UBAP2: variants seen among roughly 807,000 people sequenced by gnomAD.
The protein encoded by UBAP2 is ubiquitin associated protein 2.
Under a neutral mutation model 139.6 loss-of-function variants are expected in UBAP2, and 75 were observed. The observed-to-expected ratio is 0.54, with a 90% confidence interval of 0.45 to 0.65. UBAP2 has a LOEUF of 0.65. Ranked by LOEUF, UBAP2 falls within the 30% of genes least tolerant of loss-of-function variation. UBAP2 has a pLI of 0.00. For missense variants in UBAP2, 1,368 were observed against 1,369.6 expected, an observed-to-expected ratio of 1.00 and a Z score of 0.02; for synonymous variants, 526 against 526.2, an observed-to-expected ratio of 1.00 and a Z score of 0.01.
chr9:33,932,513 C>G, intron 19 of UBAP2, 49 bp downstream of exon 19: 1 of 1,609,000 alleles, frequency 6.2e-7, no homozygotes, highest in Non-Finnish European at 8.5e-7. Flanking sequence ...GACTAAGCTC[C>G]AGGCTCCCCA....
chr9:34,040,587 AAAG>A (rs1826983811), intron 1 of UBAP2, among the ~76,000 whole-genome samples: 1 of 152,154 alleles, frequency 6.6e-6, no homozygotes, highest in African/African-American at 2.4e-5. Flanking sequence ...AATTAATTAA[AAAG>A]AAGTTAGCAA....
Position 33,935,860 on chromosome 9 carries a change from G to C in UBAP2, c.1948C>G (p.Arg650Gly). The C allele has an allele frequency of 6.2e-7, 1 of 1,613,470 alleles. No homozygotes were observed. The highest frequency in any genetic ancestry group is 8.5e-7 in the Non-Finnish European group (1 of 1,179,912). Residue 650 changes from arginine (R) to glycine (G), a missense_variant, in exon 17 of 29, where the codon CGA (arginine) becomes GGA (glycine). Physicochemically the swap from Arg to Gly is moderately radical, Grantham distance 125. Transcript: ENST00000379238. The part of the protein sequence containing the change: ...GTIMNGHGGG[R>G]SQQTLDTPKT... Reference sequence around the variant, plus strand: ...TTACTGTCTAGTGTCTGCTGACTTCGACCACCACCATGTCCATTCTATAAG... The same window carrying C: ...TTACTGTCTAGTGTCTGCTGACTTCCACCACCACCATGTCCATTCTATAAG...
chr9:34,040,175 T>C (rs1421919371), intron 1 of UBAP2, among the ~76,000 whole-genome samples: 2 of 130,782 alleles, frequency 1.5e-5, no homozygotes, highest in Admixed American at 1.5e-4. Flanking sequence ...AAAAAAAAAA[T>C]TAGCCAGGTG....
intron 1 of UBAP2, among the ~76,000 whole-genome samples, chr9:34,040,078 G>C (rs1826922495): frequency 6.6e-6 from 1 of 151,262 alleles, no homozygotes; most frequent in Non-Finnish European, 1.5e-5. Context: ...AGAATCACTT[G>C]AACCCAGGAG....
At chr9:34,013,307 T>C (rs919599682) in intron 2 of UBAP2, among the ~76,000 whole-genome samples, 5 of 152,052 alleles carry the variant, frequency 3.3e-5, no homozygotes, top group Non-Finnish European at 7.4e-5. Flanking sequence ...CCCAGCACTT[T>C]GGGAGGCGGA....
chr9:34,011,937 G>GA (rs1239593401), intron 2 of UBAP2, among the ~76,000 whole-genome samples: 1 of 151,516 alleles, frequency 6.6e-6, no homozygotes, highest in African/African-American at 2.4e-5. Flanking sequence ...CTGTCACCCA[G>GA]AAAAAAATTG....
intron 1 of UBAP2, among the ~76,000 whole-genome samples, chr9:34,044,140 G>A (rs1332929714): frequency 6.7e-6 from 1 of 149,218 alleles, no homozygotes; most frequent in Admixed American, 6.8e-5. Flanking sequence ...ACTCACGCCT[G>A]TAATCCCAGC....
intron 19 of UBAP2, among the ~76,000 whole-genome samples, chr9:33,932,219 T>C (rs557181273): frequency 8.7e-4 from 132 of 152,260 alleles, no homozygotes; most frequent in South Asian, 1.4e-3. Context: ...TTCTCCAACA[T>C]TGACCTTCTT....
rs1038788347 is a variant in UBAP2 at position 33,924,367 on chromosome 9, C to T, written c.2512-83G>A. 6 of 1,332,404 alleles carry T rather than the reference C, an allele frequency of 4.5e-6. No homozygotes were observed. The East Asian group carries it at 7.0e-5, about 16-fold the overall frequency. The allele number at this position is 1,332,404 out of a possible 1,614,324, so 82.5% of individuals were successfully genotyped here. On this transcript the variant is annotated intron_variant, in intron 22 of 28. Coordinates refer to ENST00000379238, the MANE Select transcript of UBAP2 (RefSeq NM_001370062.2). Reference sequence around the variant, plus strand: ...CAGAACCAGCACATGGAAGTGGTGACGCCACACTCCTGAAACAGACTCCAT... The same window carrying T: ...CAGAACCAGCACATGGAAGTGGTGATGCCACACTCCTGAAACAGACTCCAT...
At chr9:34,030,621 C>A (rs1049922664) in intron 1 of UBAP2, among the ~76,000 whole-genome samples, 1 of 149,756 alleles carries the variant, frequency 6.7e-6, no homozygotes, top group Non-Finnish European at 1.5e-5. Flanking sequence ...ATGAGTGAGA[C>A]CCTGTTTCAA....
intron 2 of UBAP2, among the ~76,000 whole-genome samples, chr9:34,001,883 AAC>A (rs1822734567): frequency 6.6e-6 from 1 of 152,120 alleles, no homozygotes; most frequent in Admixed American, 6.6e-5. Flanking sequence ...TTACAAGTCA[AAC>A]ACAAGAAAAA....
chr9:33,987,603 T>A (rs537600510), intron 5 of UBAP2, among the ~76,000 whole-genome samples: 2 of 152,202 alleles, frequency 1.3e-5, no homozygotes, highest in Admixed American at 1.3e-4. Context: ...AGTGAGACCT[T>A]GTCTCAAAAA....
chr9:33,924,594 A>G (rs898834639), intron 22 of UBAP2, among the ~76,000 whole-genome samples: 1 of 152,176 alleles, frequency 6.6e-6, no homozygotes, highest in African/African-American at 2.4e-5. Flanking sequence ...GGCTGAACCA[A>G]CTTCGCTGGC....
chr9:34,002,342 C>T (rs1328099679), intron 2 of UBAP2, among the ~76,000 whole-genome samples: 2 of 150,432 alleles, frequency 1.3e-5, no homozygotes, highest in Non-Finnish European at 1.5e-5. Flanking sequence ...ATCTATATCA[C>T]GTTTAATGCT....
intron 22 of UBAP2, among the ~76,000 whole-genome samples, chr9:33,925,365 G>A (rs1038444460): frequency 1.1e-4 from 16 of 152,160 alleles, no homozygotes; most frequent in South Asian, 4.1e-4. Context: ...CACAGAACAC[G>A]AGAATTCTCC....
rs1430929375 is a variant in UBAP2 at position 33,989,875 on chromosome 9, T to A, written c.289-749A>T. The stretch of plus-strand genomic sequence containing the variant: ...TGCCTGTTCCATTATTCAAACTAAT[T>A]ATCTAAAACAATTTAATGGCAGATA... On this transcript the variant is annotated intron_variant, in intron 4 of 28. Transcript: ENST00000379238. Among the ~76,000 whole-genome samples, 7 of 152,176 alleles carry A rather than the reference T, an allele frequency of 4.6e-5. No homozygotes were observed. In the East Asian group the frequency reaches 5.8e-4, roughly 13 times the overall value.
intron 1 of UBAP2, among the ~76,000 whole-genome samples, chr9:34,022,860 C>G (rs1825082492): frequency 6.6e-6 from 1 of 152,136 alleles, no homozygotes; most frequent in African/African-American, 2.4e-5. Flanking sequence ...GAGTAGTTTA[C>G]TCATAGATTT....
intron 19 of UBAP2, among the ~76,000 whole-genome samples, chr9:33,930,769 G>A (rs1156327983): frequency 4.0e-5 from 6 of 151,796 alleles, no homozygotes; most frequent in South Asian, 2.1e-4. Context: ...GGTGGTATGC[G>A]CCTGTAACCC....
intron 7 of UBAP2, among the ~76,000 whole-genome samples, chr9:33,972,005 G>A (rs1827950913): frequency 1.3e-5 from 2 of 152,122 alleles, no homozygotes; most frequent in Admixed American, 6.5e-5. Flanking sequence ...CTGAAACACG[G>A]TCCTCTGCAT....
Sources: gnomAD v4.1 joint callset for allele counts (sites outside exome capture counted in the v4.1 genomes callset) on GRCh38, gnomAD v4.1.1 for gene constraint, MANE v1.5 for transcripts, NCBI Gene and HGNC (gene_info 2026-07-23, HGNC 2026-07-21) for gene names.